MCOLN2: variants seen among roughly 807,000 people sequenced by gnomAD.
The protein encoded by MCOLN2 is mucolipin TRP cation channel 2, also known as mucolipin-2.
In MCOLN2, 57 loss-of-function variants were observed where a neutral mutation model predicts 67.5. That is an observed-to-expected ratio of 0.84 (90% confidence interval 0.68 to 1.05). The LOEUF (loss-of-function observed/expected upper bound fraction) is 1.05, where lower values mean the gene tolerates loss of function less well. MCOLN2 is among the 50% of genes least tolerant of loss of function. The pLI, the probability that MCOLN2 is intolerant of heterozygous loss-of-function variation, is 0.00. For synonymous variants in MCOLN2, 246 were observed against 233.3 expected, an observed-to-expected ratio of 1.05 and a Z score of -0.50; for missense variants, 620 against 678.8, an observed-to-expected ratio of 0.91 and a Z score of 0.96.
chr1:84,980,387 G>T (rs1177861697), intron 1 of MCOLN2, among the ~76,000 whole-genome samples: 2 of 152,068 alleles, frequency 1.3e-5, no homozygotes, highest in Non-Finnish European at 2.9e-5. Context: ...CACAACTGGA[G>T]GAATCACATT....
chr1:84,927,144 G>A (rs575043140), intron 13 of MCOLN2, among the ~76,000 whole-genome samples: 7 of 151,256 alleles, frequency 4.6e-5, no homozygotes, highest in Non-Finnish European at 7.4e-5. Context: ...CCACCATGGC[G>A]CATGTGTACC....
At chr1:84,987,560 GTATACATAGATGTATACATAGATA>G (rs199957433) in intron 1 of MCOLN2, among the ~76,000 whole-genome samples, 2,904 of 87,532 alleles carry the variant, frequency 0.033, 297 homozygotes, top group Middle Eastern at 0.11. Flanking sequence ...ATACATCTAT[GTATACATAGATGTATACATAGATA>G]TATACATATG....
At chr1:84,956,162 A>AAC (rs539276667) in intron 4 of MCOLN2, among the ~76,000 whole-genome samples, 1 of 151,858 alleles carries the variant, frequency 6.6e-6, no homozygotes, top group Non-Finnish European at 1.5e-5. Flanking sequence ...GGGAAAAAAA[A>AAC]ACAAAAAACA....
chr1:84,951,024 C>T (rs1432138290), intron 6 of MCOLN2, among the ~76,000 whole-genome samples: 4 of 152,216 alleles, frequency 2.6e-5, no homozygotes, highest in Non-Finnish European at 4.4e-5. Flanking sequence ...GACCAAACTC[C>T]ATGCTCCTCT....
At chr1:84,968,066 C>T (rs536664419) in intron 1 of MCOLN2, among the ~76,000 whole-genome samples, 2 of 152,134 alleles carry the variant, frequency 1.3e-5, no homozygotes, top group Admixed American at 1.3e-4. Flanking sequence ...ACTCAGCTTC[C>T]GTTCTGTGGC....
intron 13 of MCOLN2, among the ~76,000 whole-genome samples, chr1:84,928,976 G>T (rs550681225): frequency 3.4e-4 from 51 of 152,120 alleles, no homozygotes; most frequent in South Asian, 6.2e-4. Flanking sequence ...AAAAAAAATT[G>T]TCTTCACCTG....
intron 2 of MCOLN2, among the ~76,000 whole-genome samples, chr1:84,959,511 A>G (rs1212186596): frequency 1.3e-5 from 2 of 152,184 alleles, no homozygotes; most frequent in Non-Finnish European, 1.5e-5. Flanking sequence ...CACAAAACCT[A>G]GGAAACTACA....
chr1:84,931,735 C>T (rs1647203074), intron 11 of MCOLN2, among the ~76,000 whole-genome samples, 167 bp from the exon 12 acceptor site: 1 of 151,748 alleles, frequency 6.6e-6, no homozygotes. Flanking sequence ...TATTCAAAAA[C>T]CCCCTCTGGG....
intron 2 of MCOLN2, among the ~76,000 whole-genome samples, chr1:84,964,063 A>G (rs1315579219): frequency 1.3e-5 from 2 of 152,212 alleles, no homozygotes; most frequent in African/African-American, 2.4e-5. Context: ...CAATGTATCT[A>G]TTTTATTGGT....
At position 84,958,787 on chromosome 1, in the gene MCOLN2, C is replaced by T. The variant is rs183420694; in HGVS notation, c.238-85G>A. 3.0e-6 allele frequency: 3 copies of T among 1,009,586 alleles called. No homozygotes were observed. The East Asian group carries it at 8.0e-5, about 27-fold the overall frequency. The allele number at this position is 1,009,586 out of a possible 1,614,324, so 62.5% of individuals were successfully genotyped here. On this transcript the variant is annotated intron_variant, in intron 2 of 13. Transcript: ENST00000370608. ...GTCTTCTCACTATCATCAACCATTA[C>T]CTATAAACATCAGAAAATAATATCA...
intron 1 of MCOLN2, among the ~76,000 whole-genome samples, chr1:84,985,913 AC>A (rs942563847): frequency 2.8e-4 from 43 of 152,046 alleles, no homozygotes; most frequent in African/African-American, 1.0e-3. Flanking sequence ...AAATACCACC[AC>A]CATTCTTCAC....
chr1:84,934,880 T>C (rs76639501), intron 11 of MCOLN2, among the ~76,000 whole-genome samples: 3,290 of 152,300 alleles, frequency 0.022, 121 homozygotes, highest in African/African-American at 0.075. Context: ...TCCCTTTCCA[T>C]TGAGCCCCTG....
chr1:84,990,515 G>A (rs1422971261), intron 1 of MCOLN2, among the ~76,000 whole-genome samples: 1 of 151,944 alleles, frequency 6.6e-6, no homozygotes, highest in Non-Finnish European at 1.5e-5. Flanking sequence ...TTATAGAAAT[G>A]TTAATTGCGG....
chr1:84,929,465 G>A lies in MCOLN2; in HGVS notation c.1664+93C>T, dbSNP rs1421960450. ...GTGAATTATTTCCCATGATAAGCTG[G>A]TCTCTGAATGTAATGGTAATCTTGG... On this transcript the variant is annotated intron_variant, in intron 13 of 13. Transcript: ENST00000370608. The A allele has an allele frequency of 7.5e-6, 10 of 1,339,340 alleles. No individual in the cohort carries two copies. The East Asian group carries it at 2.5e-4, about 33-fold the overall frequency. 83.0% of individuals were successfully genotyped at this position (1,339,340 alleles called of 1,614,324 possible).
chr1:84,976,350 T>G (rs1318517615), intron 1 of MCOLN2, among the ~76,000 whole-genome samples: 1 of 152,182 alleles, frequency 6.6e-6, no homozygotes, highest in African/African-American at 2.4e-5. Flanking sequence ...GACTTTTCAG[T>G]GGAAACCTTA....
At chr1:84,953,982 A>C (rs1165303677) in intron 4 of MCOLN2, among the ~76,000 whole-genome samples, 4 of 152,160 alleles carry the variant, frequency 2.6e-5, no homozygotes, top group Non-Finnish European at 5.9e-5. Context: ...GGTGTTCATG[A>C]ATCTTGGAAA....
intron 2 of MCOLN2, among the ~76,000 whole-genome samples, chr1:84,963,320 T>C (rs1025069027): frequency 6.6e-6 from 1 of 152,192 alleles, no homozygotes; most frequent in East Asian, 1.9e-4. Context: ...ACAGTCACAG[T>C]TGTATTCCCA....
At chr1:84,927,902 G>A (rs937640823) in intron 13 of MCOLN2, among the ~76,000 whole-genome samples, 49 of 152,210 alleles carry the variant, frequency 3.2e-4, no homozygotes, top group Middle Eastern at 3.4e-3. Flanking sequence ...TTACAGGCAC[G>A]AGCCACCATA....
chr1:84,978,900 A>G (rs1650121221), intron 1 of MCOLN2, among the ~76,000 whole-genome samples: 1 of 152,196 alleles, frequency 6.6e-6, no homozygotes, highest in Non-Finnish European at 1.5e-5. Context: ...AGCCATCTGC[A>G]GGTTGAGGAG....
Sources: allele counts gnomAD v4.1 joint callset (sites outside exome capture counted in the v4.1 genomes callset), GRCh38; gene constraint gnomAD v4.1.1; transcripts MANE v1.5; gene names NCBI Gene and HGNC (gene_info 2026-07-23, HGNC 2026-07-21).